NFAM1: variants seen among roughly 807,000 people sequenced by gnomAD.
NFAM1 encodes NFAT activating protein with ITAM motif 1.
NFAM1 carries 17 observed loss-of-function variants against 29.0 expected under a neutral mutation model. The ratio of observed to expected loss-of-function variants is 0.59; its 90% CI spans 0.40 to 0.88. NFAM1 has a LOEUF of 0.88. NFAM1 is among the 40% of genes least tolerant of loss of function. NFAM1 has a pLI of 0.00. For missense variants in NFAM1, 324 were observed against 344.6 expected (o/e 0.94, Z 0.47); for synonymous variants, 175 against 147.2 (o/e 1.19, Z -1.36).
intron 1 of NFAM1, among the ~76,000 whole-genome samples, chr22:42,412,627 C>T (rs1015589556): frequency 5.3e-5 from 8 of 152,186 alleles, no homozygotes; most frequent in African/African-American, 1.9e-4. Flanking sequence ...GGCAGGAAAA[C>T]AAAATAAAGA....
At chr22:42,413,153 G>A (rs775784609) in intron 1 of NFAM1, among the ~76,000 whole-genome samples, 2 of 152,194 alleles carry the variant, frequency 1.3e-5, no homozygotes, top group Admixed American at 6.5e-5. Context: ...AATTGAGGTC[G>A]GCAGCCAGCA....
intron 1 of NFAM1, among the ~76,000 whole-genome samples, chr22:42,430,079 A>G (rs1930746041): frequency 1.3e-5 from 2 of 151,866 alleles, no homozygotes; most frequent in Non-Finnish European, 2.9e-5. Flanking sequence ...CCTGGGCAAC[A>G]CTGTGAGTCT....
upstream of NFAM1, among the ~76,000 whole-genome samples, chr22:42,436,003 A>G (rs1281098280): frequency 6.6e-6 from 1 of 151,706 alleles, no homozygotes; most frequent in Non-Finnish European, 1.5e-5. Context: ...TATTTTTAGT[A>G]GAGATAGGGT....
intron 4 of NFAM1, among the ~76,000 whole-genome samples, chr22:42,397,609 G>A (rs954162592): frequency 1.3e-5 from 2 of 152,206 alleles, no homozygotes; most frequent in Admixed American, 6.5e-5. Context: ...CCATGCCAAG[G>A]AGGGGAACAG....
chr22:42,398,839 C>G lies in NFAM1; in HGVS notation c.565-883G>C, dbSNP rs138458363. On this transcript the variant is annotated intron_variant, in intron 3 of 5. Transcript: ENST00000329021. ...TTAGAAGGCCCTTGCTCAACCAACA[C>G]ACACTTGATAGCACTGGCAAGCCAG... is the stretch of plus-strand genomic sequence containing the variant. Among the ~76,000 whole-genome samples the G allele has an allele frequency of 2.0e-5, 3 of 152,292 alleles. No homozygotes were observed. The East Asian group carries it at 5.8e-4, about 29-fold the overall frequency.
intron 4 of NFAM1, among the ~76,000 whole-genome samples, chr22:42,395,505 T>TAAAAA (rs1929490167): frequency 6.7e-6 from 1 of 148,406 alleles, no homozygotes; most frequent in Non-Finnish European, 1.5e-5. Flanking sequence ...ATATAAATAA[T>TAAAAA]AAAAATAAAA....
Position 42,409,797 on chromosome 22 carries a change from C to T in NFAM1, c.452-250G>A, listed in dbSNP as rs553573401. 3.3e-4 allele frequency among the ~76,000 whole-genome samples: 50 copies of T among 152,340 alleles called. No individual in the cohort carries two copies. Among genetic ancestry groups the T allele is most frequent in the Non-Finnish European group, 5.3e-4 (36 of 68,026 alleles). On this transcript the variant is annotated intron_variant, in intron 2 of 5. Transcript: ENST00000329021. The surrounding 1 kb of genome is among the most constrained non-coding windows in gnomAD (Gnocchi z 4.9). ...TCTTCCGGTGCCCCTGCCCCCGTGACCTGGCTCCCCTGTGGGCTGCTTGTA... is the reference window on the plus strand; with the variant it reads ...TCTTCCGGTGCCCCTGCCCCCGTGATCTGGCTCCCCTGTGGGCTGCTTGTA...
intron 3 of NFAM1, among the ~76,000 whole-genome samples, chr22:42,406,338 C>T (rs1315833965): frequency 6.6e-6 from 1 of 152,176 alleles, no homozygotes; most frequent in Non-Finnish European, 1.5e-5. Context: ...ACTGGGTGTC[C>T]CTCACTCAGA....
chr22:42,432,497 C>G, upstream of NFAM1: 1 of 1,265,396 alleles, frequency 7.9e-7, no homozygotes, highest in South Asian at 1.6e-5. Flanking sequence ...CTGGAACAGC[C>G]CAGCAGGGTG....
chr22:42,384,618 C>T lies in NFAM1; in HGVS notation c.*543G>A, dbSNP rs904062391. 1 of 172,612 alleles carries T rather than the reference C, an allele frequency of 5.8e-6. No homozygotes were observed. Among genetic ancestry groups the T allele is most frequent in the East Asian group, 1.7e-4 (1 of 5,972 alleles). The allele number at this position is 172,612 out of a possible 1,614,324, so 10.7% of individuals were successfully genotyped here. The stretch of plus-strand genomic sequence containing the variant: ...CCTTGTCTGTCCCCCAGACCTCCCA[C>T]GCCAGCCCCTGCTCCCACCCTGCCT... On this transcript the variant is annotated 3_prime_UTR_variant, in exon 6 of 6. Coordinates refer to ENST00000329021, the MANE Select transcript of NFAM1 (RefSeq NM_145912.8).
At chr22:42,407,810 T>C (rs916470357) in intron 3 of NFAM1, among the ~76,000 whole-genome samples, 2 of 152,054 alleles carry the variant, frequency 1.3e-5, no homozygotes, top group African/African-American at 2.4e-5. Context: ...CACGCTGATA[T>C]TGAACTCCTA....
intron 3 of NFAM1, among the ~76,000 whole-genome samples, chr22:42,404,076 G>A (rs1036557861): frequency 3.9e-5 from 6 of 152,210 alleles, no homozygotes; most frequent in Admixed American, 2.6e-4. Flanking sequence ...CAGCCCCTCC[G>A]GGCAGACTTC....
Position 42,432,393 on chromosome 22 carries a change from C to T in NFAM1, c.-36G>A. The T allele has an allele frequency of 1.3e-6, 2 of 1,522,944 alleles. No homozygotes were observed. Among genetic ancestry groups the T allele is most frequent in the Non-Finnish European group, 1.8e-6 (2 of 1,137,234 alleles). 94.3% of individuals were successfully genotyped at this position (1,522,944 alleles called of 1,614,324 possible). A position where few individuals can be genotyped will look rare whatever the true frequency, so the allele number is the denominator to read the frequency against. Reference sequence around the variant, plus strand: ...GCTTGTCTGCGGCGACTCTTTAGTTCACAGGAGGGGACGGCCGGCGCTGAC... The same window carrying T: ...GCTTGTCTGCGGCGACTCTTTAGTTTACAGGAGGGGACGGCCGGCGCTGAC... On this transcript the variant is annotated 5_prime_UTR_variant, in exon 1 of 6. Coordinates refer to ENST00000329021, the MANE Select transcript of NFAM1 (RefSeq NM_145912.8).
At chr22:42,401,212 C>T (rs1929714931) in intron 3 of NFAM1, among the ~76,000 whole-genome samples, 1 of 152,176 alleles carries the variant, frequency 6.6e-6, no homozygotes, top group Non-Finnish European at 1.5e-5. Context: ...GGAGGAACTT[C>T]AAAGCTCTCC....
chr22:42,421,627 TG>T (rs1467970316), intron 1 of NFAM1, among the ~76,000 whole-genome samples: 9 of 152,124 alleles, frequency 5.9e-5, no homozygotes, highest in African/African-American at 2.2e-4. Flanking sequence ...CCCCACTGCA[TG>T]GAACTCAATC....
chr22:42,412,261 G>A (rs956738044), intron 1 of NFAM1, among the ~76,000 whole-genome samples: 4 of 151,872 alleles, frequency 2.6e-5, no homozygotes, highest in African/African-American at 9.7e-5. Context: ...GACAAGTCTC[G>A]TGCATCGTGT....
At chr22:42,401,164 C>T (rs1266504660) in intron 3 of NFAM1, among the ~76,000 whole-genome samples, 2 of 152,230 alleles carry the variant, frequency 1.3e-5, no homozygotes, top group South Asian at 2.1e-4. Flanking sequence ...CTGAAGCAGA[C>T]GTCTCAGGGC....
Position 42,409,407 on chromosome 22 carries a change from T to C in NFAM1, c.564+28A>G, listed in dbSNP as rs776482643. The C allele has an allele frequency of 3.2e-6, 4 of 1,247,568 alleles. No individual in the cohort carries two copies. In the South Asian group the frequency reaches 5.0e-5, roughly 15 times the overall value. 77.3% of individuals were successfully genotyped at this position (1,247,568 alleles called of 1,614,324 possible). The stretch of plus-strand genomic sequence containing the variant: ...CCGGTGGCGTGTCGGGTGGAGGGGC[T>C]GCATGGCTGTGAGCACTGATCCCGT... On this transcript the variant is annotated intron_variant, in intron 3 of 5. Transcript: ENST00000329021. The surrounding 1 kb of genome is among the most constrained non-coding windows in gnomAD (Gnocchi z 4.9).
intron 4 of NFAM1, among the ~76,000 whole-genome samples, chr22:42,387,500 C>T (rs74329479): frequency 0.12 from 17,490 of 150,514 alleles, 1,358 homozygotes; most frequent in Admixed American, 0.26. Context: ...ATGACCTCTG[C>T]CTTCACCCCC....
Sources: gnomAD v4.1 joint callset for allele counts (sites outside exome capture counted in the v4.1 genomes callset) on GRCh38, gnomAD v4.1.1 for gene constraint, Gnocchi (gnomAD v3.1) non-coding constraint, MANE v1.5 for transcripts, NCBI Gene and HGNC (gene_info 2026-07-23, HGNC 2026-07-21) for gene names.